RP1: variants seen among roughly 807,000 people sequenced by gnomAD.
RP1 encodes oxygen-regulated protein 1.
Under a neutral mutation model 14.8 loss-of-function variants are expected in RP1, and 16 were observed. That is an observed-to-expected ratio of 1.08 (90% confidence interval 0.73 to 1.65). The LOEUF (loss-of-function observed/expected upper bound fraction) is 1.65, where lower values mean the gene tolerates loss of function less well. Among genes scored for constraint, RP1 ranks in the 40% most tolerant of loss-of-function variants. The probability of loss-of-function intolerance (pLI) is 0.00; values close to 1 mark genes in which losing one functional copy is unlikely to be tolerated. For missense variants in RP1, 2,631 were observed against 2,535.0 expected (o/e 1.04, Z -0.81); for synonymous variants, 876 against 883.6 (o/e 0.99, Z 0.15).
At chr8:54,855,371 T>C (rs62517960) in intron 26 of RP1, among the ~76,000 whole-genome samples, 1,594 of 152,308 alleles carry the variant, frequency 0.01, 25 homozygotes, top group South Asian at 0.028. Context: ...ATTTACCCCG[T>C]GATGGACACT....
At chr8:54,637,151 T>C (rs1336736718) in intron 3 of RP1, among the ~76,000 whole-genome samples, 1 of 152,200 alleles carries the variant, frequency 6.6e-6, no homozygotes, top group Non-Finnish European at 1.5e-5. Flanking sequence ...TGCTAGGAAC[T>C]TGTGGACCTC....
At chr8:54,615,966 G>A (rs1195117948), upstream of RP1, 2 of 152,188 alleles carry the variant, frequency 1.3e-5, no homozygotes, top group Non-Finnish European at 2.9e-5. Flanking sequence ...AGCATGCTAG[G>A]AACTGGTTTG....
At chr8:54,742,459 G>A (rs1382062872) in intron 19 of RP1, among the ~76,000 whole-genome samples, 1 of 152,092 alleles carries the variant, frequency 6.6e-6, no homozygotes, top group Non-Finnish European at 1.5e-5. Context: ...CTTAGGACAT[G>A]CCTATATAAT....
intron 27 of RP1, among the ~76,000 whole-genome samples, chr8:54,865,662 T>G (rs1454409739): frequency 2.3e-5 from 3 of 130,042 alleles, no homozygotes; most frequent in Non-Finnish European, 5.0e-5. Context: ...TCTGAGTAAT[T>G]AGGTTGCTCA....
chr8:54,855,733 T>C (rs1389354166), intron 26 of RP1, among the ~76,000 whole-genome samples: 1 of 152,000 alleles, frequency 6.6e-6, no homozygotes, highest in African/African-American at 2.4e-5. Flanking sequence ...CCAATAAACA[T>C]AAAAAGCCTA....
At chr8:54,855,563 A>G (rs1812174231) in intron 26 of RP1, among the ~76,000 whole-genome samples, 1 of 152,236 alleles carries the variant, frequency 6.6e-6, no homozygotes, top group Non-Finnish European at 1.5e-5. Context: ...AAGGGAAGGC[A>G]CACAGTGGGA....
At chr8:54,677,903 TTAAC>T (rs1807332549) in intron 8 of RP1, among the ~76,000 whole-genome samples, 1 of 152,232 alleles carries the variant, frequency 6.6e-6, no homozygotes, top group Non-Finnish European at 1.5e-5. Flanking sequence ...AAAATTGATT[TTAAC>T]TAACTCTAGT....
intron 25 of RP1, among the ~76,000 whole-genome samples, chr8:54,851,065 G>A (rs1158227247): frequency 6.6e-6 from 1 of 152,170 alleles, no homozygotes; most frequent in East Asian, 1.9e-4. Context: ...GTGTGTGTGT[G>A]TGCGTGCATG....
intron 24 of RP1, among the ~76,000 whole-genome samples, chr8:54,806,611 A>G (rs12548833): frequency 0.43 from 65,841 of 152,006 alleles, 14,770 homozygotes; most frequent in African/African-American, 0.54. Context: ...ACATGTGAAC[A>G]TAAGTGTTTT....
intron 12 of RP1, among the ~76,000 whole-genome samples, chr8:54,694,354 C>T (rs1238872032): frequency 2.0e-5 from 3 of 152,250 alleles, no homozygotes; most frequent in Non-Finnish European, 2.9e-5. Flanking sequence ...AGGGAAGATT[C>T]CCTCTTTTTC....
intron 24 of RP1, among the ~76,000 whole-genome samples, chr8:54,791,261 G>C (rs1810458706): frequency 6.6e-6 from 1 of 152,022 alleles, no homozygotes. Context: ...TTGTCCTTCA[G>C]AAATGGAGAA....
At chr8:54,618,692 G>A (rs1805783223) in intron 1 of RP1, among the ~76,000 whole-genome samples, 1 of 152,034 alleles carries the variant, frequency 6.6e-6, no homozygotes, top group Admixed American at 6.5e-5. Context: ...GTCTTGCTCT[G>A]TCATCCAGGC....
chr8:54,681,495 TG>T (rs1285798299), intron 12 of RP1, among the ~76,000 whole-genome samples: 2 of 150,974 alleles, frequency 1.3e-5, no homozygotes, highest in Non-Finnish European at 2.9e-5. Context: ...TGTGTGTGTG[TG>T]TGTGTGTGTG....
intron 24 of RP1, among the ~76,000 whole-genome samples, chr8:54,835,256 C>T (rs1299325655): frequency 6.6e-6 from 1 of 152,160 alleles, no homozygotes; most frequent in Non-Finnish European, 1.5e-5. Context: ...AAGTTCCAAA[C>T]TAATTTGACT....
At chr8:54,608,338 T>G (rs1024065247) in intron 1 of RP1, among the ~76,000 whole-genome samples, 1 of 152,176 alleles carries the variant, frequency 6.6e-6, no homozygotes, top group East Asian at 1.9e-4. Flanking sequence ...ATGGAAATCA[T>G]GTATCAACAA....
At chr8:54,596,632 G>A (rs942673084) in intron 1 of RP1, among the ~76,000 whole-genome samples, 3 of 152,152 alleles carry the variant, frequency 2.0e-5, no homozygotes, top group South Asian at 2.1e-4. Context: ...GGTACCACAG[G>A]GTTGTAAGAC....
intron 6 of RP1, among the ~76,000 whole-genome samples, chr8:54,662,896 G>T (rs1196410481): frequency 6.6e-6 from 1 of 152,054 alleles, no homozygotes; most frequent in Non-Finnish European, 1.5e-5. Context: ...GGATGGTGTG[G>T]GTTACTCCAT....
chr8:54,855,703 A>C (rs1164799439), intron 26 of RP1, among the ~76,000 whole-genome samples: 1 of 152,166 alleles, frequency 6.6e-6, no homozygotes, highest in Admixed American at 6.5e-5. Flanking sequence ...TGTGCTCTAC[A>C]AAAGAGGGTA....
At chr8:54,772,686 CACAA>C (rs1330298373), downstream of RP1, among the ~76,000 whole-genome samples, 1 of 152,174 alleles carries the variant, frequency 6.6e-6, no homozygotes, top group Non-Finnish European at 1.5e-5. Flanking sequence ...CCTAAAGTCA[CACAA>C]ACAGATTTAG....
Sources: gnomAD v4.1 joint callset for allele counts (sites outside exome capture counted in the v4.1 genomes callset) on GRCh38, gnomAD v4.1.1 for gene constraint, MANE v1.5 for transcripts, NCBI Gene and HGNC (gene_info 2026-07-23, HGNC 2026-07-21) for gene names.